The following EEF2K variants were observed in gnomAD, a reference collection of about 807,000 sequenced individuals.
EEF2K encodes alternative protein EEF2K.
Under a neutral mutation model 93.8 loss-of-function variants are expected in EEF2K, and 70 were observed. The observed-to-expected ratio is 0.75, with a 90% CI of 0.62 to 0.91. The LOEUF (loss-of-function observed/expected upper bound fraction) is 0.91, where lower values mean the gene tolerates loss of function less well. EEF2K is among the 40% of genes least tolerant of loss of function. The pLI is 0.00. For synonymous variants in EEF2K, 376 were observed against 380.8 expected, an observed-to-expected ratio of 0.99 and a Z score of 0.15; for missense variants, 935 against 972.9, an observed-to-expected ratio of 0.96 and a Z score of 0.52.
At chr16:22,270,796 C>T (rs926201090) in intron 15 of EEF2K, among the ~76,000 whole-genome samples, 1 of 151,906 alleles carries the variant, frequency 6.6e-6, no homozygotes, top group African/African-American at 2.4e-5. Flanking sequence ...GTGGGCAGGG[C>T]GTCGCCCACC....
Position 22,280,187 on chromosome 16 carries a change from C to T in EEF2K, c.1890-11C>T, listed in dbSNP as rs755632364. On this transcript the variant is annotated splice_polypyrimidine_tract_variant and intron_variant, in intron 16 of 17. Coordinates refer to ENST00000263026, the MANE Select transcript of EEF2K (RefSeq NM_013302.5). ...GTAACCTCCACCTTTCCCTCTGTAT[C>T]TCCTGGCAAGGTGCCAAGACTGGCT... The T allele has an allele frequency of 6.8e-7, 1 of 1,464,526 alleles. No homozygotes were observed. The highest frequency in any genetic ancestry group is 1.4e-5 in the African/African-American group (1 of 69,488). The allele number at this position is 1,464,526 out of a possible 1,614,324, so 90.7% of individuals were successfully genotyped here. A position where few individuals can be genotyped will look rare whatever the true frequency, so the allele number is the denominator to read the frequency against.
At chr16:22,264,796 T>C in intron 12 of EEF2K, 22 bp from the exon 13 acceptor site, 1 of 1,613,462 alleles carries the variant, frequency 6.2e-7, no homozygotes, top group Non-Finnish European at 8.5e-7. Context: ...TTTGGATCAG[T>C]GTAATTTCTT....
chr16:22,219,456 CTG>C (rs761955851), intron 1 of EEF2K, among the ~76,000 whole-genome samples: 17 of 152,256 alleles, frequency 1.1e-4, no homozygotes, highest in African/African-American at 3.9e-4. Flanking sequence ...CATAGTGAAA[CTG>C]TGTCTCTACA....
At chr16:22,267,488 G>A (rs1014604046) in intron 15 of EEF2K, among the ~76,000 whole-genome samples, 6 of 152,010 alleles carry the variant, frequency 3.9e-5, no homozygotes, top group Non-Finnish European at 7.4e-5. Flanking sequence ...CCACCTACTC[G>A]GGAGGCTGAG....
intron 1 of EEF2K, among the ~76,000 whole-genome samples, chr16:22,210,066 A>T: frequency 6.6e-6 from 1 of 152,176 alleles, no homozygotes; most frequent in East Asian, 1.9e-4. Flanking sequence ...AAGTGTTAGG[A>T]TCACAGGCAT....
At chr16:22,280,638 AG>A (rs889686160) in intron 17 of EEF2K, among the ~76,000 whole-genome samples, 2 of 149,070 alleles carry the variant, frequency 1.3e-5, no homozygotes, top group Non-Finnish European at 3.0e-5. Context: ...ATAGTTTAGT[AG>A]GGGGGTTTTC....
At chr16:22,239,770 C>T (rs892167800) in intron 2 of EEF2K, among the ~76,000 whole-genome samples, 2 of 152,130 alleles carry the variant, frequency 1.3e-5, no homozygotes, top group Admixed American at 6.6e-5. Context: ...GTGATCATGC[C>T]ACTGCATTCC....
chr16:22,264,745 G>A, intron 12 of EEF2K, 73 bp from the exon 13 acceptor site: 1 of 1,570,560 alleles, frequency 6.4e-7, no homozygotes. Flanking sequence ...AGGAGGGCTG[G>A]ACCAGCTCTC....
intron 2 of EEF2K, among the ~76,000 whole-genome samples, chr16:22,239,050 G>A (rs1028433810): frequency 6.6e-6 from 1 of 151,226 alleles, no homozygotes; most frequent in Non-Finnish European, 1.5e-5. Flanking sequence ...CCAGAGTCAG[G>A]GACATGAATG....
At chr16:22,243,982 C>T (rs1329577852) in intron 2 of EEF2K, among the ~76,000 whole-genome samples, 2 of 148,770 alleles carry the variant, frequency 1.3e-5, no homozygotes, top group Non-Finnish European at 3.0e-5. Flanking sequence ...AATGTCAGCA[C>T]TTTGGGAGGC....
intron 15 of EEF2K, among the ~76,000 whole-genome samples, chr16:22,270,933 T>C (rs905111600): frequency 6.6e-6 from 1 of 151,122 alleles, no homozygotes; most frequent in Non-Finnish European, 1.5e-5. Context: ...TGTGTATATA[T>C]GTGTGTGTGT....
At position 22,243,661 on chromosome 16, in the gene EEF2K, G is replaced by T. The variant is rs549314509; in HGVS notation, c.247-969G>T. Among the ~76,000 whole-genome samples, 249 of 151,780 alleles carry T rather than the reference G, an allele frequency of 1.6e-3. 1 individual carries two copies. The highest frequency in any genetic ancestry group is 6.3e-3 in the South Asian group (30 of 4,778). ...ATCTCATTAAAATAATTGCCAGCCT[G>T]CTGTAATCCCAGCACTTTGGGAGGC... On this transcript the variant is annotated intron_variant, in intron 2 of 17. Coordinates refer to ENST00000263026, the MANE Select transcript of EEF2K (RefSeq NM_013302.5).
At chr16:22,278,246 G>A (rs570814295) in intron 16 of EEF2K, among the ~76,000 whole-genome samples, 5 of 152,094 alleles carry the variant, frequency 3.3e-5, no homozygotes, top group East Asian at 3.9e-4. Context: ...GGCTGAACTC[G>A]CCCTTTTATA....
At chr16:22,218,899 G>T (rs1209554508) in intron 1 of EEF2K, among the ~76,000 whole-genome samples, 2 of 149,908 alleles carry the variant, frequency 1.3e-5, no homozygotes, top group South Asian at 4.2e-4. Context: ...GCCGAAGAGG[G>T]TGGATCACTT....
chr16:22,240,471 A>G (rs557538335), intron 2 of EEF2K, among the ~76,000 whole-genome samples: 1 of 152,314 alleles, frequency 6.6e-6, no homozygotes, highest in South Asian at 2.1e-4. Context: ...TTCCCAAAAA[A>G]TATGTACTAC....
At chr16:22,268,956 CAAAA>C in intron 15 of EEF2K, among the ~76,000 whole-genome samples, 1 of 141,228 alleles carries the variant, frequency 7.1e-6, no homozygotes, top group Non-Finnish European at 1.6e-5. Context: ...GACTCCATCT[CAAAA>C]AAAAAAAGCT....
chr16:22,243,069 AAAAAT>A (rs1266606673), intron 2 of EEF2K, among the ~76,000 whole-genome samples: 1 of 151,992 alleles, frequency 6.6e-6, no homozygotes, highest in Non-Finnish European at 1.5e-5. Context: ...CTCTTGAAAA[AAAAAT>A]AAAAAATAAA....
chr16:22,243,056 C>T (rs982651319), intron 2 of EEF2K, among the ~76,000 whole-genome samples: 5 of 150,696 alleles, frequency 3.3e-5, no homozygotes, highest in East Asian at 2.0e-4. Context: ...GGTGAGACCC[C>T]GTCTCTTGAA....
chr16:22,251,344 C>T, intron 6 of EEF2K, 22 bp downstream of exon 6: 3 of 1,612,552 alleles, frequency 1.9e-6, no homozygotes, highest in Non-Finnish European at 1.7e-6. Flanking sequence ...CACTACCTGC[C>T]CCCTTTCCAT....
Sources: gnomAD v4.1 joint callset for allele counts (sites outside exome capture counted in the v4.1 genomes callset) on GRCh38, gnomAD v4.1.1 for gene constraint, MANE v1.5 for transcripts, NCBI Gene and HGNC (gene_info 2026-07-23, HGNC 2026-07-21) for gene names.